DPYD: variants seen among roughly 807,000 people sequenced by gnomAD.
The protein encoded by DPYD is dihydropyrimidine dehydrogenase [NADP(+)].
A neutral mutation model predicts 116.2 loss-of-function variants in DPYD; 109 were observed. That is an observed-to-expected ratio of 0.94 (90% CI 0.80 to 1.10). The LOEUF is 1.10. DPYD is among the 50% of genes least tolerant of loss of function. DPYD has a pLI of 0.00. For synonymous variants in DPYD, 440 were observed against 432.0 expected, an observed-to-expected ratio of 1.02 and a Z score of -0.23; for missense variants, 1,302 against 1,254.5, an observed-to-expected ratio of 1.04 and a Z score of -0.57.
rs569942663 is a variant in DPYD, at chr1:97,246,295, C to G, written c.2300-11301G>C. Among the ~76,000 whole-genome samples, 25 of 152,256 alleles carry G rather than the reference C, an allele frequency of 1.6e-4. No homozygotes were observed. The South Asian group carries it at 5.2e-3, about 32-fold the overall frequency. Reference sequence around the variant, plus strand: ...AGGCAGCAGAAGAGATGTCTCTTCTCAGCAAGCTTATAAGGCTGGGTCAAT... The same window carrying G: ...AGGCAGCAGAAGAGATGTCTCTTCTGAGCAAGCTTATAAGGCTGGGTCAAT... On this transcript the variant is annotated intron_variant, in intron 18 of 22. Coordinates refer to ENST00000370192, the MANE Select transcript of DPYD (RefSeq NM_000110.4).
At position 97,628,091 on chromosome 1, in the gene DPYD, G is replaced by A. The variant is rs551480708; in HGVS notation, c.851-32925C>T. Among the ~76,000 whole-genome samples the A allele has an allele frequency of 1.4e-4, 22 of 152,080 alleles. No homozygotes were observed. The South Asian group carries it at 4.6e-3, about 32-fold the overall frequency. ...ACTCTTCATGATATGAAAACTGCCT[G>A]GATGTTGGGGGAAAGGGAAAGGGTC... On this transcript the variant is annotated intron_variant, in intron 8 of 22. Coordinates refer to ENST00000370192, the MANE Select transcript of DPYD (RefSeq NM_000110.4).
chr1:97,224,242 G>C (rs1660966368), intron 19 of DPYD, among the ~76,000 whole-genome samples: 1 of 151,978 alleles, frequency 6.6e-6, no homozygotes, highest in African/African-American at 2.4e-5. Context: ...CTTATTTCTA[G>C]GCCACGGTGT....
chr1:97,508,568 G>A (rs771802383), intron 13 of DPYD, among the ~76,000 whole-genome samples: 3 of 151,954 alleles, frequency 2.0e-5, no homozygotes, highest in East Asian at 1.9e-4. Flanking sequence ...CACTCTATAC[G>A]AAGCAGTGGG....
At chr1:97,416,996 C>T (rs1674323853) in intron 14 of DPYD, among the ~76,000 whole-genome samples, 1 of 152,118 alleles carries the variant, frequency 6.6e-6, no homozygotes, top group Non-Finnish European at 1.5e-5. Flanking sequence ...TACTATTTCC[C>T]CTGCTTGCTA....
At chr1:97,368,781 T>C (rs1410527578) in intron 16 of DPYD, among the ~76,000 whole-genome samples, 9 of 152,216 alleles carry the variant, frequency 5.9e-5, no homozygotes, top group Admixed American at 5.9e-4. Flanking sequence ...AATGAGCACA[T>C]ATTCTTAGTC....
chr1:97,207,334 C>T (rs1317205602), intron 19 of DPYD, among the ~76,000 whole-genome samples: 1 of 152,118 alleles, frequency 6.6e-6, no homozygotes, highest in African/African-American at 2.4e-5. Flanking sequence ...ACATTAATAT[C>T]TTTGCATTAT....
intron 8 of DPYD, among the ~76,000 whole-genome samples, chr1:97,665,867 C>A (rs1343775763): frequency 6.6e-6 from 1 of 152,138 alleles, no homozygotes; most frequent in South Asian, 2.1e-4. Flanking sequence ...GAACTATGCT[C>A]TGGATGGCTT....
chr1:97,573,982 C>T lies in DPYD; in HGVS notation c.1129-12G>A, dbSNP rs758514883. 6.2e-7 allele frequency: 1 copy of T among 1,613,024 alleles called. No homozygotes were observed. The highest frequency in any genetic ancestry group is 8.5e-7 in the Non-Finnish European group (1 of 1,179,364). On this transcript the variant is annotated splice_polypyrimidine_tract_variant and intron_variant, in intron 10 of 22. Transcript: ENST00000370192. ...TTAGCAAGTTCCATCTAAAACAAAA[C>T]AGAACAGAGAAGAAACTTGAAAATG...
At chr1:97,161,662 C>T (rs1327272300) in intron 20 of DPYD, among the ~76,000 whole-genome samples, 2 of 150,128 alleles carry the variant, frequency 1.3e-5, no homozygotes, top group Admixed American at 6.6e-5. Context: ...TGCTGGTGTG[C>T]TGCACCCATT....
intron 2 of DPYD, among the ~76,000 whole-genome samples, chr1:97,878,702 C>T (rs1015169771): frequency 2.0e-5 from 3 of 151,944 alleles, no homozygotes; most frequent in African/African-American, 7.2e-5. Flanking sequence ...ATCCATGGTC[C>T]ACACTGAAAG....
intron 7 of DPYD, among the ~76,000 whole-genome samples, chr1:97,689,278 G>A (rs530542916): frequency 6.6e-6 from 1 of 152,084 alleles, no homozygotes; most frequent in South Asian, 2.1e-4. Context: ...ATAGTTGGGA[G>A]TGAAGATAAA....
intron 13 of DPYD, among the ~76,000 whole-genome samples, chr1:97,452,913 T>G (rs556847796): frequency 6.6e-6 from 1 of 152,110 alleles, no homozygotes; most frequent in African/African-American, 2.4e-5. Context: ...GGCTCAGGTA[T>G]GTCTTTATAG....
At chr1:97,171,306 G>T (rs1656709934) in intron 20 of DPYD, among the ~76,000 whole-genome samples, 1 of 152,042 alleles carries the variant, frequency 6.6e-6, no homozygotes, top group Admixed American at 6.6e-5. Context: ...CTGAATACAG[G>T]TGAGTAAGTA....
chr1:97,262,438 T>C (rs974911069), intron 18 of DPYD, among the ~76,000 whole-genome samples: 9 of 152,074 alleles, frequency 5.9e-5, no homozygotes, highest in Non-Finnish European at 1.3e-4. Context: ...ATCACCTTTA[T>C]CATTATTATT....
intron 8 of DPYD, among the ~76,000 whole-genome samples, chr1:97,625,587 A>G (rs1656883461): frequency 6.6e-6 from 1 of 151,998 alleles, no homozygotes; most frequent in African/African-American, 2.4e-5. Context: ...CATTAGTTAG[A>G]GTGGGCCCTA....
At chr1:97,148,180 G>A (rs1216820025) in intron 20 of DPYD, among the ~76,000 whole-genome samples, 1 of 151,458 alleles carries the variant, frequency 6.6e-6, no homozygotes, top group Non-Finnish European at 1.5e-5. Flanking sequence ...CTCTGTCTCT[G>A]GGGCACTGGT....
At chr1:97,801,412 T>C (rs937533220) in intron 3 of DPYD, among the ~76,000 whole-genome samples, 1 of 151,930 alleles carries the variant, frequency 6.6e-6, no homozygotes, top group Non-Finnish European at 1.5e-5. Flanking sequence ...ACTCCTCAAA[T>C]GGATACAGCT....
intron 19 of DPYD, among the ~76,000 whole-genome samples, chr1:97,227,480 A>G (rs920585804): frequency 1.3e-5 from 2 of 151,938 alleles, no homozygotes; most frequent in African/African-American, 4.8e-5. Flanking sequence ...TGTGATTACT[A>G]TGCATTGCAT....
chr1:97,392,290 T>C (rs1291448216), intron 14 of DPYD, among the ~76,000 whole-genome samples: 1 of 152,048 alleles, frequency 6.6e-6, no homozygotes. Flanking sequence ...TTGATGGTGA[T>C]AGCTGCTGAT....
Sources: gnomAD v4.1 joint callset for allele counts (sites outside exome capture counted in the v4.1 genomes callset) on GRCh38, gnomAD v4.1.1 for gene constraint, MANE v1.5 for transcripts, NCBI Gene and HGNC (gene_info 2026-07-23, HGNC 2026-07-21) for gene names.